The following C13orf46 variants were observed in gnomAD, a reference collection of about 807,000 sequenced individuals.
C13orf46 encodes the protein chromosome 13 open reading frame 46.
chr13:113,932,052 C>CAGTGTA, the C13orf46 span, among the ~76,000 whole-genome samples: 2 of 152,176 alleles, frequency 1.3e-5, no homozygotes, highest in Non-Finnish European at 2.9e-5. Context: ...TATTGCCTGA[C>CAGTGTA]ATTGTCTCAC....
At chr13:113,959,735 G>A (rs887452106) in intron 6 of C13orf46, among the ~76,000 whole-genome samples, 42 of 152,352 alleles carry the variant, frequency 2.8e-4, no homozygotes, top group African/African-American at 8.7e-4. Flanking sequence ...GGCAATCTGC[G>A]ATGATAGAGT....
At chr13:113,962,771 A>G (rs1326062695) in intron 6 of C13orf46, among the ~76,000 whole-genome samples, 2 of 152,216 alleles carry the variant, frequency 1.3e-5, no homozygotes, top group Admixed American at 1.3e-4. Flanking sequence ...TTGGGGCAGA[A>G]AACAGCCATC....
chr13:113,947,062 G>A, the C13orf46 span, among the ~76,000 whole-genome samples: 10 of 152,374 alleles, frequency 6.6e-5, no homozygotes, highest in East Asian at 1.9e-4. Flanking sequence ...CCACAGACCC[G>A]GGGGCTGTCG....
chr13:113,942,219 C>T, the C13orf46 span, among the ~76,000 whole-genome samples: 36 of 152,352 alleles, frequency 2.4e-4, no homozygotes, highest in African/African-American at 7.7e-4. Context: ...AGTTCTGCTG[C>T]TGTCGCCACT....
chr13:113,952,647 G>A (rs1446330157), downstream of C13orf46, among the ~76,000 whole-genome samples: 3 of 152,222 alleles, frequency 2.0e-5, no homozygotes, highest in Non-Finnish European at 4.4e-5. Flanking sequence ...AAGCCCAGGC[G>A]GCATCTGTGC....
intron 6 of C13orf46, among the ~76,000 whole-genome samples, chr13:113,962,605 G>A (rs1489750917): frequency 2.6e-5 from 4 of 152,184 alleles, no homozygotes; most frequent in Non-Finnish European, 5.9e-5. Flanking sequence ...TTTGTGAGAT[G>A]AGGTAGCAAA....
At chr13:113,942,124 C>T in the C13orf46 span, among the ~76,000 whole-genome samples, 1 of 152,228 alleles carries the variant, frequency 6.6e-6, no homozygotes. Flanking sequence ...GCACAGAGGC[C>T]GTGCTGATTG....
intron 1 of C13orf46, among the ~76,000 whole-genome samples, chr13:113,971,130 G>A (rs1383993622): frequency 2.6e-5 from 4 of 152,306 alleles, no homozygotes; most frequent in African/African-American, 9.6e-5. Context: ...GCCTCCAGCC[G>A]CATCGGAGCC....
the C13orf46 span, among the ~76,000 whole-genome samples, chr13:113,945,346 C>A: frequency 1.3e-5 from 2 of 151,920 alleles, no homozygotes; most frequent in Non-Finnish European, 2.9e-5. Flanking sequence ...GAGATAGAGA[C>A]CATCCTGGCT....
At chr13:113,931,493 G>A in the C13orf46 span, among the ~76,000 whole-genome samples, 4 of 152,198 alleles carry the variant, frequency 2.6e-5, no homozygotes, top group Non-Finnish European at 4.4e-5. Flanking sequence ...CTCCCTTGGC[G>A]GGGAGGCCCT....
intron 6 of C13orf46, among the ~76,000 whole-genome samples, chr13:113,958,013 GGA>G (rs2052555210): frequency 6.9e-6 from 1 of 144,572 alleles, no homozygotes; most frequent in Non-Finnish European, 1.5e-5. Context: ...GCACACTGGG[GGA>G]TCTCCCCTAC....
the C13orf46 span, among the ~76,000 whole-genome samples, chr13:113,929,584 G>C: frequency 6.6e-6 from 1 of 152,250 alleles, no homozygotes; most frequent in African/African-American, 2.4e-5. Context: ...TGCCATGTGG[G>C]ACGAAAGCCC....
the C13orf46 span, among the ~76,000 whole-genome samples, chr13:113,939,328 AC>A: frequency 6.7e-6 from 1 of 150,196 alleles, no homozygotes; most frequent in Non-Finnish European, 1.5e-5. Flanking sequence ...GAAGGGGACC[AC>A]CCGATGGGGA....
the C13orf46 span, among the ~76,000 whole-genome samples, chr13:113,948,140 A>AT: frequency 2.0e-5 from 3 of 152,326 alleles, no homozygotes; most frequent in African/African-American, 7.2e-5. Context: ...ATATCTGGCA[A>AT]TTTTTTAAAA....
the C13orf46 span, among the ~76,000 whole-genome samples, chr13:113,947,397 G>A: frequency 6.6e-6 from 1 of 152,204 alleles, no homozygotes; most frequent in East Asian, 1.9e-4. Flanking sequence ...GCAGCCAGGA[G>A]TAGGTCACTG....
intron 5 of C13orf46, among the ~76,000 whole-genome samples, chr13:113,966,298 T>C (rs2052646920): frequency 6.6e-6 from 1 of 150,882 alleles, no homozygotes; most frequent in Non-Finnish European, 1.5e-5. Flanking sequence ...GTCATGATAG[T>C]GATGGTGATG....
the C13orf46 span, among the ~76,000 whole-genome samples, chr13:113,948,191 A>G: frequency 6.6e-6 from 1 of 152,242 alleles, no homozygotes; most frequent in African/African-American, 2.4e-5. Flanking sequence ...ACTCAGCATG[A>G]AAGGAACCAG....
chr13:113,967,865 G>C (rs1304325027), intron 4 of C13orf46, among the ~76,000 whole-genome samples: 1 of 152,198 alleles, frequency 6.6e-6, no homozygotes, highest in African/African-American at 2.4e-5. Flanking sequence ...GATGTGAACG[G>C]CTTCAGCGGC....
At chr13:113,969,774 G>A (rs1043442677) in intron 2 of C13orf46, among the ~76,000 whole-genome samples, 4 of 152,092 alleles carry the variant, frequency 2.6e-5, no homozygotes, top group South Asian at 2.1e-4. Flanking sequence ...AGGGCCCCAC[G>A]CCCTCTCCCT....
Sources: gnomAD v4.1 joint callset for allele counts (sites outside exome capture counted in the v4.1 genomes callset) on GRCh38, gnomAD v4.1.1 for gene constraint, MANE v1.5 for transcripts, NCBI Gene and HGNC (gene_info 2026-07-23, HGNC 2026-07-21) for gene names.